Variants in SLC2A5 observed in about 807,000 individuals in gnomAD.
The protein encoded by SLC2A5 is solute carrier family 2 member 5.
SLC2A5 carries 56 observed loss-of-function variants against 50.3 expected under a neutral mutation model. The observed-to-expected ratio is 1.11, with a 90% CI of 0.90 to 1.39. The LOEUF is 1.39. Among genes scored for constraint, SLC2A5 ranks in the 40% most tolerant of loss-of-function variants. The pLI is 0.00. For missense variants in SLC2A5, 566 were observed against 650.1 expected, an observed-to-expected ratio of 0.87 and a Z score of 1.41; for synonymous variants, 269 against 281.9, an observed-to-expected ratio of 0.95 and a Z score of 0.46.
rs1372175888 is a variant in SLC2A5, at chr1:9,045,279, G to A, written c.418+2331C>T. On this transcript the variant is annotated intron_variant, in intron 4 of 11. Transcript: ENST00000377424. ...TAAAAAATGAATTAATATGTCTCTC[G>A]GTTGCCATTTCTAATACAGTAAATA... Among the ~76,000 whole-genome samples, 4 of 152,102 alleles carry A rather than the reference G, an allele frequency of 2.6e-5. No homozygotes were observed. The East Asian group carries it at 5.8e-4, about 22-fold the overall frequency.
chr1:9,036,972 T>G lies in SLC2A5; in HGVS notation c.*614A>C, dbSNP rs1641148727. On this transcript the variant is annotated 3_prime_UTR_variant, in exon 12 of 12. Transcript: ENST00000377424. ...TGAAAAGTGATCAGGTTCATTTTAT[T>G]GACTACACAGAAGCAATTCCATTTT... 1 of 152,538 alleles carries G rather than the reference T, an allele frequency of 6.6e-6. No individual in the cohort carries two copies. Among genetic ancestry groups the G allele is most frequent in the Admixed American group, 6.5e-5 (1 of 15,304 alleles). The allele number at this position is 152,538 out of a possible 1,614,324, so 9.4% of individuals were successfully genotyped here. A position where few individuals can be genotyped will look rare whatever the true frequency, so the allele number is the denominator to read the frequency against.
chr1:9,064,166 T>G (rs1642023367), intron 1 of SLC2A5, among the ~76,000 whole-genome samples: 1 of 152,134 alleles, frequency 6.6e-6, no homozygotes, highest in Non-Finnish European at 1.5e-5. Context: ...TGTATGGTAT[T>G]GAGATATATT....
chr1:9,049,276 G>C, intron 3 of SLC2A5: 1 of 442,072 alleles, frequency 2.3e-6, no homozygotes, highest in Non-Finnish European at 4.6e-6. Context: ...CACACCTTCA[G>C]ACAACAGAAT....
Position 9,041,846 on chromosome 1 carries a change from G to A in SLC2A5, c.510C>T (p.Ile170=). The part of the protein sequence containing the change: ...GALGVVPQLF[I]TVGILVAQIF... ...TCTGGGCCACAAGGATGCCAACAGT[G>A]ATGAAGAGCTGGGGCACCACCCCGA... Residue 170 remains isoleucine, a synonymous_variant, in exon 5 of 12, where the codon ATC becomes ATT. Transcript: ENST00000377424. 1 of 1,614,060 alleles carries A rather than the reference G, an allele frequency of 6.2e-7. No homozygotes were observed. Among genetic ancestry groups the A allele is most frequent in the Non-Finnish European group, 8.5e-7 (1 of 1,180,020 alleles).
At chr1:9,039,091 C>T (rs1386846487) in intron 8 of SLC2A5, among the ~76,000 whole-genome samples, 162 bp from the exon 9 acceptor site, 2 of 152,266 alleles carry the variant, frequency 1.3e-5, no homozygotes, top group African/African-American at 2.4e-5. Flanking sequence ...GGGCAGCCAG[C>T]GGGAAGTCGG....
At chr1:9,079,714 C>T (rs1010104517) in intron 2 of SLC2A5, among the ~76,000 whole-genome samples, 3 of 152,048 alleles carry the variant, frequency 2.0e-5, no homozygotes, top group Admixed American at 6.6e-5. Context: ...CTCAAACTCC[C>T]GACCTCAGGT....
upstream of SLC2A5, among the ~76,000 whole-genome samples, chr1:9,092,816 G>T (rs1481457550): frequency 6.6e-6 from 1 of 152,104 alleles, no homozygotes; most frequent in Non-Finnish European, 1.5e-5. Context: ...TGGAAGCTAT[G>T]CATCCCCTAT....
At chr1:9,082,284 C>T (rs546645486) in intron 2 of SLC2A5, among the ~76,000 whole-genome samples, 5 of 152,156 alleles carry the variant, frequency 3.3e-5, no homozygotes, top group Admixed American at 3.3e-4. Flanking sequence ...AACATGTACT[C>T]AAGCGAATAC....
At chr1:9,069,699 T>C, upstream of SLC2A5, 1 of 709,070 alleles carries the variant, frequency 1.4e-6, no homozygotes, top group South Asian at 1.8e-5. Flanking sequence ...TTCAGGAACC[T>C]GGTCTTCCTT....
chr1:9,056,208 G>A (rs1355868070), intron 3 of SLC2A5, among the ~76,000 whole-genome samples: 3 of 152,094 alleles, frequency 2.0e-5, no homozygotes, highest in Admixed American at 6.6e-5. Context: ...TTTTTGAGAC[G>A]GAGTTTCGCT....
At chr1:9,041,669 TAGAAG>T (rs748951228) in intron 5 of SLC2A5, 111 bp downstream of exon 5, 26 of 1,581,358 alleles carry the variant, frequency 1.6e-5, no homozygotes, top group East Asian at 2.2e-5. Context: ...TCCAGCCTGT[TAGAAG>T]AGACCAGTCT....
chr1:9,039,678 G>A lies in SLC2A5; in HGVS notation c.886-16C>T, dbSNP rs932393603. 2.0e-6 allele frequency: 3 copies of A among 1,506,924 alleles called. No homozygotes were observed. The highest frequency in any genetic ancestry group is 2.9e-5 in the African/African-American group (2 of 69,144). The allele number at this position is 1,506,924 out of a possible 1,614,324, so 93.3% of individuals were successfully genotyped here. On this transcript the variant is annotated splice_polypyrimidine_tract_variant and intron_variant, in intron 7 of 11. Transcript: ENST00000377424. ...AGTAGTAGATCTGCAAGGCAAGCGC[G>A]GGGCTGGGCGGCTGCCCGGAGGAGG... is the stretch of plus-strand genomic sequence containing the variant.
intron 1 of SLC2A5, among the ~76,000 whole-genome samples, chr1:9,060,580 ACC>A (rs1363431462): frequency 7.0e-5 from 6 of 85,108 alleles, no homozygotes; most frequent in Admixed American, 1.5e-4. Context: ...ATACACACCC[ACC>A]CCCCACACAC....
At chr1:9,062,330 G>C (rs561810917) in intron 1 of SLC2A5, among the ~76,000 whole-genome samples, 32 of 152,322 alleles carry the variant, frequency 2.1e-4, no homozygotes, top group African/African-American at 7.2e-4. Context: ...CAATATTTCA[G>C]CTGAGGAGAG....
At chr1:9,079,398 G>T (rs1031444060) in intron 2 of SLC2A5, among the ~76,000 whole-genome samples, 1 of 152,196 alleles carries the variant, frequency 6.6e-6, no homozygotes, top group Non-Finnish European at 1.5e-5. Context: ...AGACGTGAAA[G>T]CCGGAGCAGC....
rs575415026 is a variant in SLC2A5 at position 9,040,956 on chromosome 1, A to C, written c.572-767T>G. 6.4e-6 allele frequency: 1 copy of C among 155,996 alleles called. No homozygotes were observed. The highest frequency in any genetic ancestry group is 1.4e-5 in the Non-Finnish European group (1 of 70,746). 9.7% of individuals were successfully genotyped at this position (155,996 alleles called of 1,614,324 possible). A position where few individuals can be genotyped will look rare whatever the true frequency, so the allele number is the denominator to read the frequency against. On this transcript the variant is annotated intron_variant, in intron 5 of 11. Transcript: ENST00000377424. The surrounding 1 kb of genome is among the most constrained non-coding windows in gnomAD (Gnocchi z 4.3). Reference sequence around the variant, plus strand: ...TCATGAGACCTTGGACCAGTCTTCCAATCTCTCTGTACCTGTGATGCACCT... The same window carrying C: ...TCATGAGACCTTGGACCAGTCTTCCCATCTCTCTGTACCTGTGATGCACCT...
Position 9,040,091 on chromosome 1 carries a change from T to G in SLC2A5, c.670A>C (p.Lys224Gln). The G allele has an allele frequency of 1.9e-6, 3 of 1,595,308 alleles. No homozygotes were observed. Among genetic ancestry groups the G allele is most frequent in the Non-Finnish European group, 2.6e-6 (3 of 1,170,646 alleles). ...PESPRYLLIQ[K>Q]KDEAAAKKAL... ...TTCTTGGCGGCCGCTTCGTCTTTCT[T>G]CTGAATCAGCAGGTACCTGGGGCTC... Residue 224 changes from lysine to glutamine, a missense_variant, in exon 6 of 12, where the codon AAG becomes CAG. By Grantham distance (53) the Lys-to-Gln change is moderately conservative. Transcript: ENST00000377424. The surrounding 1 kb of genome is among the most constrained non-coding windows in gnomAD (Gnocchi z 4.3).
rs527636203 is a variant in SLC2A5, at chr1:9,053,809, G to A, written c.293+3639C>T. ...TAATCACTTGAACCCGGGAGGCAGA[G>A]GTTGCAGTGAGCCAAGATTGCGCCA... On this transcript the variant is annotated intron_variant, in intron 3 of 11. Transcript: ENST00000377424. Among the ~76,000 whole-genome samples, 7 of 150,796 alleles carry A rather than the reference G, an allele frequency of 4.6e-5. No individual in the cohort carries two copies. In the South Asian group the frequency reaches 1.5e-3, roughly 31 times the overall value.
chr1:9,062,217 A>G (rs1200369409), intron 1 of SLC2A5, among the ~76,000 whole-genome samples: 2 of 152,240 alleles, frequency 1.3e-5, no homozygotes, highest in African/African-American at 2.4e-5. Context: ...TGTCAATGGT[A>G]AAGACACACA....
Sources: gnomAD v4.1 joint callset for allele counts (sites outside exome capture counted in the v4.1 genomes callset) on GRCh38, gnomAD v4.1.1 for gene constraint, Gnocchi (gnomAD v3.1) non-coding constraint, MANE v1.5 for transcripts, NCBI Gene and HGNC (gene_info 2026-07-23, HGNC 2026-07-21) for gene names.